KCNMA1: variants seen among roughly 807,000 people sequenced by gnomAD.
The protein encoded by KCNMA1 is Calcium-activated potassium channel subunit alpha-1.
A neutral mutation model predicts 140.0 loss-of-function variants in KCNMA1; 29 were observed. That is an observed-to-expected ratio of 0.21 (90% CI 0.15 to 0.28). The LOEUF (loss-of-function observed/expected upper bound fraction) is 0.28, where lower values mean the gene tolerates loss of function less well. Among genes scored for constraint, KCNMA1 ranks in the 10% least tolerant of loss-of-function variants. The pLI is 1.00. For synonymous variants in KCNMA1, 612 were observed against 611.9 expected (o/e 1.00, Z 0.00); for missense variants, 880 against 1,602.2 (o/e 0.55, Z 7.70).
intron 3 of KCNMA1, among the ~76,000 whole-genome samples, chr10:77,196,216 C>T (rs1333056612): frequency 6.6e-6 from 1 of 152,174 alleles, no homozygotes; most frequent in African/African-American, 2.4e-5. Flanking sequence ...ATTTTCTCTT[C>T]TGTCTCTGTG....
chr10:77,502,700 C>G (rs1169456061), intron 1 of KCNMA1, among the ~76,000 whole-genome samples: 2 of 151,504 alleles, frequency 1.3e-5, no homozygotes, highest in Non-Finnish European at 3.0e-5. Flanking sequence ...CACTCACCCA[C>G]CCTTTGTCAT....
chr10:77,408,475 TGA>T (rs760095208), intron 1 of KCNMA1, among the ~76,000 whole-genome samples: 3 of 148,882 alleles, frequency 2.0e-5, no homozygotes, highest in African/African-American at 7.8e-5. Context: ...TGTGCACGTG[TGA>T]GTGTGTACGT....
At chr10:76,910,527 TA>T in intron 24 of KCNMA1, 1 of 289,862 alleles carries the variant, frequency 3.4e-6, no homozygotes, top group South Asian at 3.6e-5. Context: ...TTATTGGGAG[TA>T]AAGAGCGCTG....
At chr10:76,911,992 A>C (rs928532947) in intron 24 of KCNMA1, 2 of 152,036 alleles carry the variant, frequency 1.3e-5, no homozygotes, top group Non-Finnish European at 2.9e-5. Flanking sequence ...AGGTGAAGTG[A>C]CTCCAAGTAG....
intron 3 of KCNMA1, among the ~76,000 whole-genome samples, chr10:77,208,314 ACCTCAAC>A (rs1226691137): frequency 6.6e-6 from 1 of 152,114 alleles, no homozygotes; most frequent in Admixed American, 6.5e-5. Flanking sequence ...CTGTGGGTTG[ACCTCAAC>A]AGGCATTAAA....
chr10:76,889,897 T>C (rs2039138152), intron 26 of KCNMA1: 1 of 390,010 alleles, frequency 2.6e-6, no homozygotes, highest in Non-Finnish European at 4.9e-6. Flanking sequence ...GTCTCAGATG[T>C]ATGCTCAGCT....
chr10:77,214,777 G>A (rs1356723280), intron 3 of KCNMA1, among the ~76,000 whole-genome samples: 1 of 152,080 alleles, frequency 6.6e-6, no homozygotes, highest in Non-Finnish European at 1.5e-5. Context: ...CTCCTCCCTA[G>A]GCTTCTGCCA....
chr10:77,318,832 T>G (rs1007015069), intron 2 of KCNMA1, among the ~76,000 whole-genome samples: 8 of 152,174 alleles, frequency 5.3e-5, no homozygotes, highest in South Asian at 2.1e-4. Context: ...GAGACTTCGT[T>G]CCTTGGCTTA....
intron 5 of KCNMA1, among the ~76,000 whole-genome samples, chr10:77,139,968 T>C (rs1412150923): frequency 6.6e-6 from 1 of 152,214 alleles, no homozygotes; most frequent in Non-Finnish European, 1.5e-5. Context: ...ATTATTGCCA[T>C]TTAATAAATA....
At position 77,592,464 on chromosome 10, in the gene KCNMA1, G is replaced by A. The variant is rs560523941; in HGVS notation, c.378+44801C>T. Among the ~76,000 whole-genome samples, 7 of 152,350 alleles carry A rather than the reference G, an allele frequency of 4.6e-5. No homozygotes were observed. In the South Asian group the frequency reaches 1.4e-3, roughly 32 times the overall value. On this transcript the variant is annotated intron_variant, in intron 1 of 27. Transcript: ENST00000286628. ...GTTCTTTTCTATAGTGATGTAAGAT[G>A]TGAACAATTACGGGAAACTGGCTAA...
intron 2 of KCNMA1, among the ~76,000 whole-genome samples, chr10:77,333,506 A>T (rs574181601): frequency 6.6e-6 from 1 of 152,232 alleles, no homozygotes; most frequent in African/African-American, 2.4e-5. Context: ...TCAAAGCTAC[A>T]TTACTATAAA....
At chr10:77,472,910 ATGCTGTCTGACATTCATGG>A (rs1221870720) in intron 1 of KCNMA1, among the ~76,000 whole-genome samples, 1 of 152,152 alleles carries the variant, frequency 6.6e-6, no homozygotes, top group Non-Finnish European at 1.5e-5. Flanking sequence ...CACTTACTCT[ATGCTGTCTGACATTCATGG>A]TGGGCTCGTA....
In KCNMA1 at chr10:77,614,623, T is replaced by C. The variant is rs77574726; in HGVS notation, c.378+22642A>G. 6.5e-3 allele frequency among the ~76,000 whole-genome samples: 994 copies of C among 152,302 alleles called. 14 individuals carry two copies. The highest frequency in any genetic ancestry group is 0.021 in the African/African-American group (888 of 41,552). ...TTCATGTGCTAGGTGGAACTTTCTCTGTGGTCTTCACCCTACATGTAATGG... is the reference window on the plus strand; with the variant it reads ...TTCATGTGCTAGGTGGAACTTTCTCCGTGGTCTTCACCCTACATGTAATGG... On this transcript the variant is annotated intron_variant, in intron 1 of 27. Transcript: ENST00000286628.
At chr10:77,282,268 G>T (rs775937711) in intron 2 of KCNMA1, among the ~76,000 whole-genome samples, 57 of 152,066 alleles carry the variant, frequency 3.7e-4, no homozygotes, top group Non-Finnish European at 2.1e-4. Flanking sequence ...CTGGCATCAG[G>T]CTTCCTCTCC....
In KCNMA1 at chr10:77,403,878, A is replaced by T; in HGVS notation, c.524T>A (p.Leu175Gln). The T allele has an allele frequency of 6.2e-7, 1 of 1,613,756 alleles. No individual in the cohort carries two copies. Among genetic ancestry groups the T allele is most frequent in the Non-Finnish European group, 8.5e-7 (1 of 1,179,798 alleles). ...WAGVMISAQT[L>Q]TGRVLVVLVF... ...GAGACTCACCAGGACTCTGCCAGTC[A>T]GTGTCTGGGCGGATATCATCACCCC... is the stretch of plus-strand genomic sequence containing the variant. Residue 175 changes from leucine to glutamine, a missense_variant, in exon 2 of 28, where the codon CTG (leucine) becomes CAG (glutamine). By Grantham distance (113) the Leu-to-Gln change is moderately radical. Around this residue, in one of 13 missense-constraint regions of KCNMA1, gnomAD observed 198 missense variants for 580.1 expected, o/e 0.34. Transcript: ENST00000286628.
chr10:77,290,513 G>C (rs1214767719), intron 2 of KCNMA1, among the ~76,000 whole-genome samples: 1 of 152,098 alleles, frequency 6.6e-6, no homozygotes, highest in Non-Finnish European at 1.5e-5. Context: ...TGTGAAAAGG[G>C]GCACCTGAGG....
At chr10:77,541,895 A>G (rs2060264319) in intron 1 of KCNMA1, among the ~76,000 whole-genome samples, 1 of 152,180 alleles carries the variant, frequency 6.6e-6, no homozygotes, top group Admixed American at 6.5e-5. Context: ...CAACTTATCC[A>G]TTCACTAACT....
intron 1 of KCNMA1, among the ~76,000 whole-genome samples, chr10:77,508,839 G>GCTTT (rs1274459860): frequency 6.6e-6 from 1 of 151,694 alleles, no homozygotes; most frequent in Non-Finnish European, 1.5e-5. Context: ...ACCACCATTC[G>GCTTT]CTTTTTGTCT....
chr10:76,905,466 G>T (rs1296215452), intron 25 of KCNMA1, among the ~76,000 whole-genome samples: 1 of 152,170 alleles, frequency 6.6e-6, no homozygotes, highest in Non-Finnish European at 1.5e-5. Flanking sequence ...GCCAGATGTG[G>T]TCTATTGTAC....
Sources: gnomAD v4.1 joint callset for allele counts (sites outside exome capture counted in the v4.1 genomes callset) on GRCh38, gnomAD v4.1.1 for gene constraint, gnomAD v4.1.1 regional missense constraint, MANE v1.5 for transcripts, NCBI Gene and HGNC (gene_info 2026-07-23, HGNC 2026-07-21) for gene names.